Variants in MYO1B observed in about 807,000 individuals in gnomAD.
MYO1B encodes the protein unconventional myosin-Ib.
MYO1B carries 72 observed loss-of-function variants against 159.7 expected under a neutral mutation model. The ratio of observed to expected loss-of-function variants is 0.45; its 90% CI spans 0.37 to 0.55. The LOEUF (loss-of-function observed/expected upper bound fraction) is 0.55, where lower values mean the gene tolerates loss of function less well. Among genes scored for constraint, MYO1B ranks in the 20% least tolerant of loss-of-function variants. The pLI is 0.00. For missense variants in MYO1B, 1,062 were observed against 1,364.8 expected (o/e 0.78, Z 3.50); for synonymous variants, 468 against 473.8 (o/e 0.99, Z 0.16).
chr2:191,374,053 G>A (rs1315169498), intron 13 of MYO1B, among the ~76,000 whole-genome samples: 2 of 152,138 alleles, frequency 1.3e-5, no homozygotes, highest in African/African-American at 4.8e-5. Context: ...CAGAGTTACA[G>A]ACGTGTTTTT....
chr2:191,330,290 G>A (rs141200146), intron 4 of MYO1B, among the ~76,000 whole-genome samples: 26 of 152,280 alleles, frequency 1.7e-4, no homozygotes, highest in South Asian at 8.3e-4. Flanking sequence ...GATGGTGCAA[G>A]ATCTTTTTAC....
chr2:191,360,570 AAAGCATG>A, intron 7 of MYO1B, 54 bp from the exon 8 acceptor site: 11 of 1,044,834 alleles, frequency 1.1e-5, no homozygotes, highest in Non-Finnish European at 1.6e-5. Flanking sequence ...AGAAGGAAAA[AAAGCATG>A]GTGGATTTGG....
In MYO1B at chr2:191,386,185, G is replaced by C. The variant is rs2126086711; in HGVS notation, c.1554+101G>C. 4 of 1,050,686 alleles carry C rather than the reference G, an allele frequency of 3.8e-6. No individual in the cohort carries two copies. In the East Asian group the frequency reaches 9.6e-5, roughly 25 times the overall value. 65.1% of individuals were successfully genotyped at this position (1,050,686 alleles called of 1,614,324 possible). ...GTTCGAAACCCCATTAACTTGTGAGGACAAATTGAGCTGCTAAAGTGGTTG... is the reference window on the plus strand; with the variant it reads ...GTTCGAAACCCCATTAACTTGTGAGCACAAATTGAGCTGCTAAAGTGGTTG... On this transcript the variant is annotated intron_variant, in intron 16 of 30. Transcript: ENST00000392318.
At chr2:191,251,492 G>T (rs1369950337) in intron 1 of MYO1B, among the ~76,000 whole-genome samples, 1 of 152,214 alleles carries the variant, frequency 6.6e-6, no homozygotes, top group East Asian at 1.9e-4. Context: ...CAAGGGGCCT[G>T]TCTTTCCTTG....
intron 11 of MYO1B, among the ~76,000 whole-genome samples, chr2:191,369,296 C>A (rs938359532): frequency 3.9e-5 from 6 of 152,210 alleles, no homozygotes; most frequent in Non-Finnish European, 7.4e-5. Context: ...AAATAAATAT[C>A]TTTGTGGTGA....
intron 17 of MYO1B, 118 bp downstream of exon 17, chr2:191,387,568 C>G: frequency 1.2e-6 from 1 of 858,742 alleles, no homozygotes; most frequent in Middle Eastern, 2.2e-4. Flanking sequence ...AAAATACTTA[C>G]AGATTAAATA....
intron 2 of MYO1B, among the ~76,000 whole-genome samples, chr2:191,293,986 G>A (rs1016628649): frequency 6.6e-6 from 1 of 152,030 alleles, no homozygotes; most frequent in Non-Finnish European, 1.5e-5. Flanking sequence ...TCAGTGGCTT[G>A]TACCCTCCAA....
chr2:191,280,372 T>C (rs1381751253), intron 2 of MYO1B, among the ~76,000 whole-genome samples: 2 of 152,256 alleles, frequency 1.3e-5, no homozygotes, highest in Non-Finnish European at 2.9e-5. Context: ...TTTGATTTAG[T>C]GGCTCAGTGG....
chr2:191,356,476 A>G (rs1348941412), intron 7 of MYO1B, among the ~76,000 whole-genome samples: 1 of 151,966 alleles, frequency 6.6e-6, no homozygotes, highest in Non-Finnish European at 1.5e-5. Context: ...TGACTTCGTA[A>G]TGGGTGGCTT....
chr2:191,393,274 A>G (rs772785982), intron 20 of MYO1B, 52 bp downstream of exon 20: 1 of 1,590,616 alleles, frequency 6.3e-7, no homozygotes, highest in South Asian at 1.1e-5. Context: ...ATTTGCCAAC[A>G]TTTATTATGT....
chr2:191,421,984 C>T (rs1213184153), intron 30 of MYO1B, among the ~76,000 whole-genome samples: 1 of 152,172 alleles, frequency 6.6e-6, no homozygotes, highest in Non-Finnish European at 1.5e-5. Context: ...AGATCAGAAG[C>T]ACTATCCTTA....
rs1202312995 is a variant in MYO1B at position 191,276,818 on chromosome 2, A to G, written c.-9-69A>G. 4 of 1,513,338 alleles carry G rather than the reference A, an allele frequency of 2.6e-6. No individual in the cohort carries two copies. In the Admixed American group the frequency reaches 6.5e-5, roughly 25 times the overall value. The allele number at this position is 1,513,338 out of a possible 1,614,324, so 93.7% of individuals were successfully genotyped here. ...GGAGCTACCAGTGTTGGATTTCTGC[A>G]GTAGTGCCAAGAACCTATTTGAAAT... On this transcript the variant is annotated intron_variant, in intron 1 of 30. Coordinates refer to ENST00000392318, the MANE Select transcript of MYO1B (RefSeq NM_001130158.3).
chr2:191,375,907 C>T (rs966306177), intron 13 of MYO1B, among the ~76,000 whole-genome samples: 3 of 150,166 alleles, frequency 2.0e-5, no homozygotes, highest in Non-Finnish European at 2.9e-5. Flanking sequence ...TGCAGTGAGC[C>T]GAGATTACAC....
chr2:191,356,249 GTC>G (rs1175374717), intron 7 of MYO1B, among the ~76,000 whole-genome samples: 1 of 151,228 alleles, frequency 6.6e-6, no homozygotes, highest in African/African-American at 2.4e-5. Flanking sequence ...TTAATAAAGT[GTC>G]TGTTTTTAAT....
At chr2:191,260,920 G>A (rs528416194) in intron 1 of MYO1B, among the ~76,000 whole-genome samples, 1 of 152,246 alleles carries the variant, frequency 6.6e-6, no homozygotes, top group South Asian at 2.1e-4. Flanking sequence ...ATATACTTTT[G>A]AAAAGCCAAC....
chr2:191,419,252 A>T (rs925857526), intron 30 of MYO1B, among the ~76,000 whole-genome samples: 32 of 151,492 alleles, frequency 2.1e-4, no homozygotes, highest in African/African-American at 7.8e-4. Context: ...TCAGTCTTGC[A>T]CTGTTGCCCA....
Position 191,346,272 on chromosome 2 carries a change from C to G in MYO1B, c.488C>G (p.Ser163Cys). 1.3e-6 allele frequency: 2 copies of G among 1,570,542 alleles called. No individual in the cohort carries two copies. The highest frequency in any genetic ancestry group is 1.7e-6 in the Non-Finnish European group (2 of 1,157,136). ...GNAKTVRNDN[S>C]SRFGKYMDIE... ...GCCAAAACTGTAAGGAATGACAACT[C>G]CTCTAGATTTGTAAGTATTTGTATA... The change falls in exon 6 of 31, where the codon TCC (serine) becomes TGC (cysteine). Residue 163 changes from serine to cysteine, a missense_variant. By Grantham distance (112) the Ser-to-Cys change is moderately radical. This residue lies in a region of MYO1B where 415 missense variants were observed against 544.0 expected (regional missense o/e 0.76). Coordinates refer to ENST00000392318, the MANE Select transcript of MYO1B (RefSeq NM_001130158.3).
At chr2:191,363,901 T>C in intron 10 of MYO1B, 26 bp downstream of exon 10, 1 of 1,613,320 alleles carries the variant, frequency 6.2e-7, no homozygotes, top group Non-Finnish European at 8.5e-7. Flanking sequence ...ATCAACTTTG[T>C]TTGTTTAGGA....
Position 191,350,237 on chromosome 2 carries a change from T to C in MYO1B, c.562+12T>C, listed in dbSNP as rs1400302489. 5 of 1,600,830 alleles carry C rather than the reference T, an allele frequency of 3.1e-6. No individual in the cohort carries two copies. Among genetic ancestry groups the C allele is most frequent in the Non-Finnish European group, 4.3e-6 (5 of 1,168,682 alleles). On this transcript the variant is annotated intron_variant, in intron 7 of 30. Coordinates refer to ENST00000392318, the MANE Select transcript of MYO1B (RefSeq NM_001130158.3). The stretch of plus-strand genomic sequence containing the variant: ...AGTAATAAGTAACTGTGAGTATTTT[T>C]CTTCAGTCCTTGTAAAGAAGTTCAG...
Sources: gnomAD v4.1 joint callset for allele counts (sites outside exome capture counted in the v4.1 genomes callset) on GRCh38, gnomAD v4.1.1 for gene constraint, gnomAD v4.1.1 regional missense constraint, MANE v1.5 for transcripts, NCBI Gene and HGNC (gene_info 2026-07-23, HGNC 2026-07-21) for gene names.